PPP1R9A: variants seen among roughly 807,000 people sequenced by gnomAD.
PPP1R9A encodes the protein neurabin-1.
A neutral mutation model predicts 141.9 loss-of-function variants in PPP1R9A; 59 were observed. That is an observed-to-expected ratio of 0.42 (90% CI 0.34 to 0.52). PPP1R9A has a LOEUF of 0.52. Among genes scored for constraint, PPP1R9A ranks in the 20% least tolerant of loss-of-function variants. The probability of loss-of-function intolerance (pLI) is 0.10; values close to 1 mark genes in which losing one functional copy is unlikely to be tolerated. For synonymous variants in PPP1R9A, 500 were observed against 569.7 expected (o/e 0.88, Z 1.74); for missense variants, 1,444 against 1,611.9 (o/e 0.90, Z 1.78).
At chr7:95,042,727 G>T (rs1809434508) in intron 2 of PPP1R9A, among the ~76,000 whole-genome samples, 1 of 152,034 alleles carries the variant, frequency 6.6e-6, no homozygotes, top group South Asian at 2.1e-4. Context: ...TAGTCAATAG[G>T]TTATTTTTAT....
intron 2 of PPP1R9A, among the ~76,000 whole-genome samples, chr7:95,019,267 C>A (rs945245492): frequency 2.0e-5 from 3 of 152,022 alleles, no homozygotes; most frequent in South Asian, 2.1e-4. Context: ...TGGTGGCAGG[C>A]GCCTGTAATC....
At chr7:95,127,180 C>T (rs1255335301) in intron 4 of PPP1R9A, among the ~76,000 whole-genome samples, 1 of 152,096 alleles carries the variant, frequency 6.6e-6, no homozygotes, top group Non-Finnish European at 1.5e-5. Context: ...TTTTTATTTC[C>T]TCATTTTTTT....
chr7:95,066,701 A>T (rs1812994989), intron 2 of PPP1R9A, among the ~76,000 whole-genome samples: 1 of 152,194 alleles, frequency 6.6e-6, no homozygotes, highest in Non-Finnish European at 1.5e-5. Context: ...GAGAAAAATT[A>T]TACAGTAGAA....
chr7:95,084,800 G>A (rs1816382661), intron 2 of PPP1R9A, among the ~76,000 whole-genome samples: 1 of 151,968 alleles, frequency 6.6e-6, no homozygotes, highest in Non-Finnish European at 1.5e-5. Flanking sequence ...GAATAGTACA[G>A]AATTTGTAAT....
intron 2 of PPP1R9A, among the ~76,000 whole-genome samples, chr7:95,057,404 C>T (rs1441007971): frequency 1.3e-5 from 2 of 152,002 alleles, no homozygotes; most frequent in African/African-American, 2.4e-5. Flanking sequence ...GTAGTAACTA[C>T]CTTGTTTTTA....
chr7:95,140,430 G>A (rs1284730844), intron 4 of PPP1R9A, among the ~76,000 whole-genome samples: 1 of 152,052 alleles, frequency 6.6e-6, no homozygotes, highest in African/African-American at 2.4e-5. Flanking sequence ...CTGTTCTGTT[G>A]CCCAGGCTGG....
At chr7:95,257,991 CT>C (rs1475846016) in intron 12 of PPP1R9A, among the ~76,000 whole-genome samples, 9 of 152,256 alleles carry the variant, frequency 5.9e-5, no homozygotes, top group African/African-American at 2.2e-4. Flanking sequence ...GTGCATGTGT[CT>C]TAATAGCAGC....
intron 4 of PPP1R9A, among the ~76,000 whole-genome samples, chr7:95,137,415 CAAAAAAAAA>C (rs33928009): frequency 0.011 from 978 of 91,498 alleles, 25 homozygotes; most frequent in African/African-American, 0.04. Flanking sequence ...GACATGAACT[CAAAAAAAAA>C]AAAAAAAAAA....
chr7:95,062,440 A>G lies in PPP1R9A; in HGVS notation c.1396-48819A>G, dbSNP rs1343290269. On this transcript the variant is annotated intron_variant, in intron 2 of 19. Coordinates refer to ENST00000433360, the MANE Select transcript of PPP1R9A (RefSeq NM_001166160.2). ...GGAATTTTTTTTTTTTTTTTTTTAG[A>G]TGGAGTCTCACTCTGTCACCCAGGC... Among the ~76,000 whole-genome samples the G allele has an allele frequency of 7.1e-5, 10 of 141,036 alleles. No homozygotes were observed. The East Asian group carries it at 2.1e-3, about 29-fold the overall frequency. 92.5% of individuals were successfully genotyped at this position (141,036 alleles called of 152,430 possible). A position where few individuals can be genotyped will look rare whatever the true frequency, so the allele number is the denominator to read the frequency against.
At chr7:95,061,455 G>A (rs529990149) in intron 2 of PPP1R9A, among the ~76,000 whole-genome samples, 5 of 152,278 alleles carry the variant, frequency 3.3e-5, no homozygotes, top group African/African-American at 9.6e-5. Flanking sequence ...GAGCTATGGC[G>A]CTGGACGCGG....
At chr7:94,975,341 C>A (rs1799308473) in intron 2 of PPP1R9A, among the ~76,000 whole-genome samples, 1 of 132,976 alleles carries the variant, frequency 7.5e-6, no homozygotes, top group Non-Finnish European at 1.6e-5. Flanking sequence ...TCTGGACAGG[C>A]TGTAGTTTTT....
At chr7:95,225,614 A>G (rs1034496431) in intron 7 of PPP1R9A, among the ~76,000 whole-genome samples, 5 of 152,146 alleles carry the variant, frequency 3.3e-5, no homozygotes, top group Non-Finnish European at 7.4e-5. Flanking sequence ...TGGCGTATTC[A>G]CAAAGAGAAT....
chr7:95,180,244 C>T (rs768100628), intron 5 of PPP1R9A, among the ~76,000 whole-genome samples: 51 of 151,960 alleles, frequency 3.4e-4, no homozygotes, highest in Non-Finnish European at 2.1e-4. Context: ...TACTGATTTT[C>T]GACAAAGCAA....
intron 3 of PPP1R9A, among the ~76,000 whole-genome samples, chr7:95,116,083 T>A (rs1223243382): frequency 1.3e-5 from 2 of 152,168 alleles, no homozygotes. Flanking sequence ...GATGTCAATT[T>A]GGTAACATTT....
At chr7:95,225,701 T>C (rs1795045862) in intron 7 of PPP1R9A, among the ~76,000 whole-genome samples, 1 of 152,166 alleles carries the variant, frequency 6.6e-6, no homozygotes, top group Admixed American at 6.6e-5. Context: ...AAAACAACTC[T>C]TGTTTCTGTA....
At chr7:95,278,654 A>G (rs1468776607) in intron 16 of PPP1R9A, among the ~76,000 whole-genome samples, 1 of 152,216 alleles carries the variant, frequency 6.6e-6, no homozygotes, top group Non-Finnish European at 1.5e-5. Context: ...AAAAGTACAT[A>G]TGCTACAACA....
At chr7:95,100,982 A>G (rs1818710450) in intron 2 of PPP1R9A, among the ~76,000 whole-genome samples, 1 of 149,102 alleles carries the variant, frequency 6.7e-6, no homozygotes, top group Non-Finnish European at 1.5e-5. Context: ...CCTCCCGAGT[A>G]GCTGGGACTA....
At chr7:95,213,267 C>T (rs898131471) in intron 7 of PPP1R9A, among the ~76,000 whole-genome samples, 6 of 151,196 alleles carry the variant, frequency 4.0e-5, no homozygotes, top group Non-Finnish European at 7.4e-5. Context: ...TTTGAATTTC[C>T]TAAGGGCAGA....
At chr7:94,989,414 C>CAA (rs1801231602) in intron 2 of PPP1R9A, among the ~76,000 whole-genome samples, 1 of 152,040 alleles carries the variant, frequency 6.6e-6, no homozygotes, top group Admixed American at 6.6e-5. Context: ...TGGGGGTAGT[C>CAA]AGTTGAACCT....
Sources: allele counts gnomAD v4.1 joint callset (sites outside exome capture counted in the v4.1 genomes callset), GRCh38; gene constraint gnomAD v4.1.1; transcripts MANE v1.5; gene names NCBI Gene and HGNC (gene_info 2026-07-23, HGNC 2026-07-21).